TTN: variants seen among roughly 807,000 people sequenced by gnomAD.
TTN encodes the protein titin.
Under a neutral mutation model 3,223.0 loss-of-function variants are expected in TTN, and 1,525 were observed. That is an observed-to-expected ratio of 0.47 (90% CI 0.45 to 0.49). TTN has a LOEUF of 0.49. Among genes scored for constraint, TTN ranks in the 20% least tolerant of loss-of-function variants. The probability of loss-of-function intolerance (pLI) is 0.00; values close to 1 mark genes in which losing one functional copy is unlikely to be tolerated. For missense variants in TTN, 40,786 were observed against 43,424.0 expected (o/e 0.94, Z 5.40); for synonymous variants, 14,094 against 15,161.0 (o/e 0.93, Z 5.17).
At position 178,733,042 on chromosome 2, in the gene TTN, G is replaced by A. The variant is rs2080830503; in HGVS notation, c.16134C>T (p.Cys5378=). 1 of 1,613,416 alleles carries A rather than the reference G, an allele frequency of 6.2e-7. No individual in the cohort carries two copies. The highest frequency in any genetic ancestry group is 8.5e-7 in the Non-Finnish European group (1 of 1,179,674). The change falls in exon 55 of 363, where the codon TGC becomes TGT. Residue 5378 remains cysteine (C), a synonymous_variant. Coordinates refer to ENST00000589042, the MANE Select transcript of TTN (RefSeq NM_001267550.2). The stretch of plus-strand genomic sequence containing the variant: ...TCATGGGGAGGGAGCCTGCAATTTT[G>A]CAGTCCAGTCTGCAGGTACCATTAA... ...SVVNGTCRLD[C]KIAGSLPMRV...
At position 178,770,782 on chromosome 2, in the gene TTN, A is replaced by G. The variant is rs768063391; in HGVS notation, c.8117-107T>C. 4 of 1,397,612 alleles carry G rather than the reference A, an allele frequency of 2.9e-6. No individual in the cohort carries two copies. In the African/African-American group the frequency reaches 4.2e-5, roughly 15 times the overall value. 86.6% of individuals were successfully genotyped at this position (1,397,612 alleles called of 1,614,324 possible). On this transcript the variant is annotated intron_variant, in intron 34 of 362. Transcript: ENST00000589042. ...CTCACCCTGCAAAAGAATGGCTACCAAACATTTTACAGTTATGCAGCACCT... is the reference window on the plus strand; with the variant it reads ...CTCACCCTGCAAAAGAATGGCTACCGAACATTTTACAGTTATGCAGCACCT...
chr2:178,621,793 A>G, intron 244 of TTN, 47 bp downstream of exon 244: 1 of 1,608,516 alleles, frequency 6.2e-7, no homozygotes, highest in Non-Finnish European at 8.5e-7. Flanking sequence ...GGAAATTATT[A>G]TTTTTTCCCA....
intron 47 of TTN, chr2:178,745,761 A>T (rs369548262): frequency 1.9e-6 from 3 of 1,612,982 alleles, no homozygotes; most frequent in South Asian, 2.2e-5. Flanking sequence ...TCTTTGTACC[A>T]GTAAACCGTG....
chr2:178,640,619 G>T lies in TTN; in HGVS notation c.40645C>A (p.Pro13549Thr). ...KVKKPAVPEP[P>T]PPKPVEEVEV... ...ACCTCTTCAACAGGTTTTGGAGGTG[G>T]TGGTTCTGGTACTTTAAGATAAGAT... Residue 13549 changes from proline to threonine, a missense_variant, in exon 221 of 363, where the codon CCA becomes ACA. By Grantham distance (38) the Pro-to-Thr change is conservative. Coordinates refer to ENST00000589042, the MANE Select transcript of TTN (RefSeq NM_001267550.2). The T allele has an allele frequency of 4.4e-6, 7 of 1,584,662 alleles. No individual in the cohort carries two copies. The highest frequency in any genetic ancestry group is 6.0e-6 in the Non-Finnish European group (7 of 1,169,382).
chr2:178,574,262 G>A lies in TTN; in HGVS notation c.71870C>T (p.Thr23957Ile). 6.2e-7 allele frequency: 1 copy of A among 1,612,708 alleles called. No homozygotes were observed. Among genetic ancestry groups the A allele is most frequent in the African/African-American group, 1.3e-5 (1 of 74,972 alleles). ...KPEYTGGFKI[T>I]SYIVEKRDLP... ...GTCTCTCTTTTCAACGATATAACTG[G>A]TAATTTTAAAGCCCCCAGTATATTC... The change falls in exon 326 of 363, where the codon ACC becomes ATC. Residue 23957 changes from threonine to isoleucine, a missense_variant. Transcript: ENST00000589042.
rs1436728714 is a variant in TTN, at chr2:178,734,480, A to G, written c.15344T>C (p.Ile5115Thr). The change falls in exon 52 of 363, where the codon ATT becomes ACT. Residue 5115 changes from isoleucine (I) to threonine (T), a missense_variant. Physicochemically the swap from Ile to Thr is moderately conservative, Grantham distance 89. Coordinates refer to ENST00000589042, the MANE Select transcript of TTN (RefSeq NM_001267550.2). ...CAATCTGTATTTTTTACTACTTCGA[A>G]TTTGTTTCTTGTCTTTGAACCAGCT... The part of the protein sequence containing the change: ...EISWFKDKKQ[I>T]RSSKKYRLFS... 1 of 1,613,702 alleles carries G rather than the reference A, an allele frequency of 6.2e-7. No individual in the cohort carries two copies. Among genetic ancestry groups the G allele is most frequent in the South Asian group, 1.1e-5 (1 of 91,044 alleles).
chr2:178,545,388 A>G lies in TTN; in HGVS notation c.95722T>C (p.Tyr31908His), dbSNP rs199781261. 396 of 1,554,906 alleles carry G rather than the reference A, an allele frequency of 2.5e-4. No homozygotes were observed. Among genetic ancestry groups the G allele is most frequent in the Non-Finnish European group, 3.1e-4 (361 of 1,148,714 alleles). The change falls in exon 344 of 363, where the codon TAT becomes CAT. Residue 31908 changes from tyrosine (Y) to histidine (H), a missense_variant and splice_region_variant. Transcript: ENST00000589042. ...SNFISCREPS[Y>H]TPGPPSAPRV... ...TTTATGTATGATTCTTGGAGCTCAC[A>G]TGATGGTTCTCTGCATGAGATGAAG...
chr2:178,630,919 G>A lies in TTN; in HGVS notation c.44039C>T (p.Pro14680Leu). The A allele has an allele frequency of 1.9e-6, 3 of 1,611,972 alleles. No homozygotes were observed. Among genetic ancestry groups the A allele is most frequent in the South Asian group, 1.1e-5 (1 of 90,684 alleles). ...CTCCATCACCTCCACACTGTGCAGG[G>A]GTCGCACCAGTTTAATTTCCCGATC... ...IEDREIKLVR[P>L]LHSVEVMETE... The change falls in exon 238 of 363, where the codon CCC (proline) becomes CTC (leucine). Residue 14680 changes from proline to leucine, a missense_variant. Physicochemically the swap from Pro to Leu is moderately conservative, Grantham distance 98. Coordinates refer to ENST00000589042, the MANE Select transcript of TTN (RefSeq NM_001267550.2).
In TTN at chr2:178,539,088, CTTG is replaced by C. The variant is rs1464546102; in HGVS notation, c.98844_98846del (p.Asn32948del). ...TGTACATTGTGGTGGTGATCTGAGT[CTTG>C]TTGTGTCTGACCCACTTGTCAGTGG... is the stretch of plus-strand genomic sequence containing the variant. On this transcript the variant is annotated inframe_deletion, in exon 353 of 363. Coordinates refer to ENST00000589042, the MANE Select transcript of TTN (RefSeq NM_001267550.2). The C allele has an allele frequency of 2.5e-6, 4 of 1,613,626 alleles. No individual in the cohort carries two copies. In the African/African-American group the frequency reaches 4.0e-5, roughly 16 times the overall value.
At position 178,757,903 on chromosome 2, in the gene TTN, A is replaced by G. The variant is rs1185458642; in HGVS notation, c.10317T>C (p.Phe3439=). The change falls in exon 45 of 363, where the codon TTT becomes TTC. Residue 3439 remains phenylalanine (F), a synonymous_variant. Coordinates refer to ENST00000589042, the MANE Select transcript of TTN (RefSeq NM_001267550.2). The part of the protein sequence containing the change: ...ANLSLEGFSK[F]EENTSNSQWH... Reference sequence around the variant, plus strand: ...ATTGGGAGTTTGATGTATTTTCTTCAAATTTGCTAAATCCTGAAAAGAAGC... The same window carrying G: ...ATTGGGAGTTTGATGTATTTTCTTCGAATTTGCTAAATCCTGAAAAGAAGC... 6.6e-7 allele frequency: 1 copy of G among 1,518,476 alleles called. No homozygotes were observed. The highest frequency in any genetic ancestry group is 1.4e-5 in the African/African-American group (1 of 71,684). The allele number at this position is 1,518,476 out of a possible 1,614,324, so 94.1% of individuals were successfully genotyped here.
At chr2:178,675,364 T>C (rs2067833279) in intron 149 of TTN, 2 of 388,828 alleles carry the variant, frequency 5.1e-6, no homozygotes, top group Non-Finnish European at 9.0e-6. Context: ...TTTGTCTTTT[T>C]TTTTTTTGTA....
rs764963502 is a variant in TTN at position 178,531,052 on chromosome 2, A to G, written c.105563T>C (p.Ile35188Thr). The change falls in exon 358 of 363, where the codon ATC becomes ACC. Residue 35188 changes from isoleucine (I) to threonine (T), a missense_variant. By Grantham distance (89) the Ile-to-Thr change is moderately conservative. Coordinates refer to ENST00000589042, the MANE Select transcript of TTN (RefSeq NM_001267550.2). Reference sequence around the variant, plus strand: ...CTCATCGGAAGCCTGGACTGAAGAGATCTCAAAGGTTGATTTGTACTTTGT... The same window carrying G: ...CTCATCGGAAGCCTGGACTGAAGAGGTCTCAAAGGTTGATTTGTACTTTGT... ...TTTKYKSTFE[I>T]SSVQASDEGN... The G allele has an allele frequency of 1.2e-6, 2 of 1,613,924 alleles. No individual in the cohort carries two copies. The highest frequency in any genetic ancestry group is 2.2e-5 in the South Asian group (2 of 91,074).
At chr2:178,692,296 A>G (rs1028438740) in intron 120 of TTN, among the ~76,000 whole-genome samples, 197 bp from the exon 121 acceptor site, 9 of 152,096 alleles carry the variant, frequency 5.9e-5, no homozygotes, top group Admixed American at 5.9e-4. Context: ...AAGCAGACAA[A>G]GACCCAGTTA....
chr2:178,785,354 T>C (rs1440314628), intron 15 of TTN, among the ~76,000 whole-genome samples: 1 of 152,174 alleles, frequency 6.6e-6, no homozygotes, highest in Non-Finnish European at 1.5e-5. Flanking sequence ...GAGCTGTCCC[T>C]GAAATGTGAA....
At position 178,612,864 on chromosome 2, in the gene TTN, C is replaced by G. The variant is rs754592165; in HGVS notation, c.49857G>C (p.Gln16619His). Residue 16619 changes from glutamine (Q) to histidine (H), a missense_variant, in exon 265 of 363, where the codon CAG (glutamine) becomes CAC (histidine). By Grantham distance (24) the Gln-to-His change is conservative. Coordinates refer to ENST00000589042, the MANE Select transcript of TTN (RefSeq NM_001267550.2). ...QHLLPGLMEG[Q>H]EYSFRVRAVN... Reference sequence around the variant, plus strand: ...CAGCTCTAACTCGGAATGAGTATTCCTGTCCTTCCATGAGCCCTGGGAGCA... The same window carrying G: ...CAGCTCTAACTCGGAATGAGTATTCGTGTCCTTCCATGAGCCCTGGGAGCA... 3 of 1,612,590 alleles carry G rather than the reference C, an allele frequency of 1.9e-6. No homozygotes were observed. The South Asian group carries it at 3.3e-5, about 18-fold the overall frequency.
chr2:178,779,900 G>T, intron 22 of TTN, 100 bp downstream of exon 22: 2 of 1,235,734 alleles, frequency 1.6e-6, no homozygotes, highest in Non-Finnish European at 2.3e-6. Context: ...TCTAATAGCT[G>T]TCTAACCCCG....
intron 6 of TTN, among the ~76,000 whole-genome samples, chr2:178,797,874 C>CTT (rs202180157): frequency 2.0e-4 from 30 of 150,694 alleles, no homozygotes; most frequent in African/African-American, 7.1e-4. Flanking sequence ...ATTGTCTTCT[C>CTT]TTTTTTTTTC....
intron 221 of TTN, 113 bp from the exon 222 acceptor site, chr2:178,640,223 T>C: frequency 7.7e-6 from 7 of 905,136 alleles, no homozygotes; most frequent in Non-Finnish European, 1.2e-5. Context: ...TTTATATACA[T>C]ATAATTATCA....
Position 178,714,648 on chromosome 2 carries a change from G to A in TTN, c.26201-75C>T, listed in dbSNP as rs1042812904. ...GCATTTTGCTCAAATCGTGAATGCC[G>A]GGAATCAAACTAGTGATAATGTGTT... is the stretch of plus-strand genomic sequence containing the variant. On this transcript the variant is annotated intron_variant, in intron 90 of 362. Coordinates refer to ENST00000589042, the MANE Select transcript of TTN (RefSeq NM_001267550.2). The A allele has an allele frequency of 5.5e-5, 79 of 1,442,144 alleles. 1 individual carries two copies. Among genetic ancestry groups the A allele is most frequent in the South Asian group, 5.8e-5 (4 of 69,296 alleles). 89.3% of individuals were successfully genotyped at this position (1,442,144 alleles called of 1,614,324 possible).
Sources: gnomAD v4.1 joint callset for allele counts (sites outside exome capture counted in the v4.1 genomes callset) on GRCh38, gnomAD v4.1.1 for gene constraint, MANE v1.5 for transcripts, NCBI Gene and HGNC (gene_info 2026-07-23, HGNC 2026-07-21) for gene names.